PHACTR2: variants seen among roughly 807,000 people sequenced by gnomAD.
The protein encoded by PHACTR2 is chromosome 6 open reading frame 56.
A neutral mutation model predicts 76.0 loss-of-function variants in PHACTR2; 30 were observed. That is an observed-to-expected ratio of 0.39 (90% CI 0.30 to 0.54). The LOEUF is 0.54. Ranked by LOEUF, PHACTR2 falls within the 20% of genes least tolerant of loss-of-function variation. The probability of loss-of-function intolerance (pLI) is 0.61; values close to 1 mark genes in which losing one functional copy is unlikely to be tolerated. For missense variants in PHACTR2, 696 were observed against 781.1 expected (o/e 0.89, Z 1.30); for synonymous variants, 292 against 292.5 (o/e 1.00, Z 0.02).
intron 2 of PHACTR2, among the ~76,000 whole-genome samples, chr6:143,736,327 T>C (rs1459378057): frequency 6.6e-6 from 1 of 152,110 alleles, no homozygotes; most frequent in Non-Finnish European, 1.5e-5. Flanking sequence ...CACCCTAAGT[T>C]CCAGGCCTTA....
chr6:143,575,832 A>G (rs1267377095), intron 1 of PHACTR2, among the ~76,000 whole-genome samples: 2 of 152,240 alleles, frequency 1.3e-5, no homozygotes, highest in African/African-American at 4.8e-5. Context: ...GCAGAGTACA[A>G]TTGATTCTTA....
rs185422808 is a variant in PHACTR2, at chr6:143,731,444, C to T, written c.215-17541C>T. 5.7e-4 allele frequency among the ~76,000 whole-genome samples: 87 copies of T among 152,250 alleles called. 1 individual carries two copies. The East Asian group carries it at 0.013, about 23-fold the overall frequency. On this transcript the variant is annotated intron_variant, in intron 2 of 12. Transcript: ENST00000440869. The surrounding 1 kb of genome is among the most constrained non-coding windows in gnomAD (Gnocchi z 4.9). ...CTGGGATTATAGGCATGAGCCACCA[C>T]GCCCGGCTAATTCTGTATTTTTAGT...
chr6:143,663,494 T>C lies in PHACTR2; in HGVS notation c.14-48522T>C, dbSNP rs1416271784. Reference sequence around the variant, plus strand: ...CCTTTTTAGCTTTATCATTTAATATTGACCTAATTCATTTGTGTGATTATC... The same window carrying C: ...CCTTTTTAGCTTTATCATTTAATATCGACCTAATTCATTTGTGTGATTATC... On this transcript the variant is annotated intron_variant, in intron 1 of 11. Coordinates refer to the PHACTR2 transcript ENST00000305766. The surrounding 1 kb of genome is among the most constrained non-coding windows in gnomAD (Gnocchi z 4.1). Among the ~76,000 whole-genome samples, 2 of 152,242 alleles carry C rather than the reference T, an allele frequency of 1.3e-5. No homozygotes were observed. The highest frequency in any genetic ancestry group is 4.8e-5 in the African/African-American group (2 of 41,468).
chr6:143,698,123 A>C lies in PHACTR2; in HGVS notation c.47-13893A>C, dbSNP rs953974753. 2.0e-5 allele frequency among the ~76,000 whole-genome samples: 3 copies of C among 152,210 alleles called. No homozygotes were observed. Among genetic ancestry groups the C allele is most frequent in the Non-Finnish European group, 4.4e-5 (3 of 68,032 alleles). On this transcript the variant is annotated intron_variant, in intron 1 of 12. Coordinates refer to ENST00000440869, the MANE Select transcript of PHACTR2 (RefSeq NM_001100164.2). This position sits in a 1 kb window ranked among gnomAD's most constrained non-coding sequence, Gnocchi z 4.3. Reference sequence around the variant, plus strand: ...AGTATTGAAAATCTAAATAAAAATTATATTAGAAAAGGATTTTGGAATAAG... The same window carrying C: ...AGTATTGAAAATCTAAATAAAAATTCTATTAGAAAAGGATTTTGGAATAAG...
Position 143,599,856 on chromosome 6 carries a change from G to T in PHACTR2, c.217+62649G>T, listed in dbSNP as rs1775795013. ...CCAAATGCTTTCAGGAGCCAGGCAG[G>T]CCATGTAAGTGTGTGTAGCTCAATG... On this transcript the variant is annotated intron_variant, in intron 1 of 11. Transcript: ENST00000367584. The surrounding 1 kb of genome is among the most constrained non-coding windows in gnomAD (Gnocchi z 4.6). 6.6e-6 allele frequency among the ~76,000 whole-genome samples: 1 copy of T among 152,174 alleles called. No homozygotes were observed. Among genetic ancestry groups the T allele is most frequent in the Non-Finnish European group, 1.5e-5 (1 of 68,026 alleles).
At chr6:143,572,925 C>T (rs2128431884) in intron 1 of PHACTR2, among the ~76,000 whole-genome samples, 1 of 152,282 alleles carries the variant, frequency 6.6e-6, no homozygotes, top group South Asian at 2.1e-4. Flanking sequence ...ATTCTAAAAG[C>T]ATAATGTCTT....
At chr6:143,779,374 G>A (rs1307714634) in intron 9 of PHACTR2, among the ~76,000 whole-genome samples, 2 of 150,084 alleles carry the variant, frequency 1.3e-5, no homozygotes, top group Non-Finnish European at 3.0e-5. Context: ...TTCTGAGACG[G>A]AGCCTTGCTC....
chr6:143,773,923 GTTAA>G, intron 7 of PHACTR2, 132 bp from the exon 8 acceptor site: 1 of 579,228 alleles, frequency 1.7e-6, no homozygotes, highest in South Asian at 3.1e-5. Flanking sequence ...TTTTCCTTAG[GTTAA>G]TTAAGATTCT....
intron 1 of PHACTR2, among the ~76,000 whole-genome samples, chr6:143,702,127 C>CTTTTTTTTTTT (rs909954007): frequency 9.5e-6 from 1 of 105,756 alleles, no homozygotes; most frequent in African/African-American, 3.8e-5. Flanking sequence ...GTCTTCTTTG[C>CTTTTTTTTTTT]TTTTTTTTTT....
At position 143,571,008 on chromosome 6, in the gene PHACTR2, A is replaced by T. The variant is rs1775440563; in HGVS notation, c.217+33801A>T. 6.6e-6 allele frequency among the ~76,000 whole-genome samples: 1 copy of T among 152,322 alleles called. No homozygotes were observed. The highest frequency in any genetic ancestry group is 2.4e-5 in the African/African-American group (1 of 41,572). On this transcript the variant is annotated intron_variant, in intron 1 of 11. Coordinates refer to the PHACTR2 transcript ENST00000367584. This position sits in a 1 kb window ranked among gnomAD's most constrained non-coding sequence, Gnocchi z 4.6. ...AATTTAAAAAACTTTCTAATTTAAGATCATTTAACTTTTAGCTGCTGCAAA... is the reference window on the plus strand; with the variant it reads ...AATTTAAAAAACTTTCTAATTTAAGTTCATTTAACTTTTAGCTGCTGCAAA...
At chr6:143,572,598 G>C (rs1314808400) in intron 1 of PHACTR2, among the ~76,000 whole-genome samples, 1 of 152,128 alleles carries the variant, frequency 6.6e-6, no homozygotes, top group African/African-American at 2.4e-5. Flanking sequence ...ATTGCCCCAG[G>C]TTGGAGTGCA....
intron 1 of PHACTR2, among the ~76,000 whole-genome samples, chr6:143,706,304 G>T (rs943405966): frequency 6.6e-6 from 1 of 152,178 alleles, no homozygotes; most frequent in African/African-American, 2.4e-5. Flanking sequence ...TGTGCGTTGG[G>T]CGTGCTCATT....
intron 11 of PHACTR2, among the ~76,000 whole-genome samples, chr6:143,796,553 C>G (rs1289521829): frequency 2.0e-5 from 3 of 151,938 alleles, no homozygotes; most frequent in Non-Finnish European, 2.9e-5. Flanking sequence ...TAATATTATC[C>G]CTCCCCTAGT....
chr6:143,578,736 G>C lies in PHACTR2; in HGVS notation c.217+41529G>C, dbSNP rs1461809335. ...TTATAACAATGGAGAGGTAGATGAT[G>C]AAGAAGATGAAGAAGACCTTGGTGA... On this transcript the variant is annotated intron_variant, in intron 1 of 11. Transcript: ENST00000367584. This position sits in a 1 kb window ranked among gnomAD's most constrained non-coding sequence, Gnocchi z 4.5. Among the ~76,000 whole-genome samples the C allele has an allele frequency of 6.6e-6, 1 of 152,024 alleles. No individual in the cohort carries two copies. The highest frequency in any genetic ancestry group is 6.5e-5 in the Admixed American group (1 of 15,270).
intron 1 of PHACTR2, among the ~76,000 whole-genome samples, chr6:143,628,582 C>G (rs1776299837): frequency 6.6e-6 from 1 of 152,124 alleles, no homozygotes. Context: ...CCTTCGCCTC[C>G]CTCTTATAAG....
rs1562680295 is a variant in PHACTR2, at chr6:143,547,883, C to CGTAT, written c.217+10681_217+10684dup. On this transcript the variant is annotated intron_variant, in intron 1 of 11. Coordinates refer to the PHACTR2 transcript ENST00000367584. The surrounding 1 kb of genome is among the most constrained non-coding windows in gnomAD (Gnocchi z 4.2). ...CTGTATCTATGTATGTATGTATGTA[C>CGTAT]GTATGTATCTATCTATCTATCTATC... Among the ~76,000 whole-genome samples, 1 of 151,254 alleles carries CGTAT rather than the reference C, an allele frequency of 6.6e-6. No individual in the cohort carries two copies. Among genetic ancestry groups the CGTAT allele is most frequent in the Non-Finnish European group, 1.5e-5 (1 of 68,010 alleles).
chr6:143,724,044 C>T (rs991425014), intron 2 of PHACTR2, among the ~76,000 whole-genome samples: 2 of 151,788 alleles, frequency 1.3e-5, no homozygotes, highest in Non-Finnish European at 2.9e-5. Flanking sequence ...CTCACTGCAG[C>T]CTCTGCCTCC....
At chr6:143,718,653 G>A (rs1582806552) in intron 2 of PHACTR2, among the ~76,000 whole-genome samples, 1 of 152,130 alleles carries the variant, frequency 6.6e-6, no homozygotes, top group Non-Finnish European at 1.5e-5. Flanking sequence ...TGGTTGGCAA[G>A]GATCAAAGTT....
At chr6:143,704,504 C>G (rs1170525216) in intron 1 of PHACTR2, among the ~76,000 whole-genome samples, 1 of 152,164 alleles carries the variant, frequency 6.6e-6, no homozygotes, top group Non-Finnish European at 1.5e-5. Flanking sequence ...TCATTTACCT[C>G]CATGATAGCG....
Sources: gnomAD v4.1 joint callset for allele counts (sites outside exome capture counted in the v4.1 genomes callset) on GRCh38, gnomAD v4.1.1 for gene constraint, Gnocchi (gnomAD v3.1) non-coding constraint, MANE v1.5 for transcripts, NCBI Gene and HGNC (gene_info 2026-07-23, HGNC 2026-07-21) for gene names.